Variants in MAGI3 observed in about 807,000 individuals in gnomAD.
MAGI3 encodes the protein membrane-associated guanylate kinase, WW and PDZ domain-containing protein 3.
MAGI3 carries 43 observed loss-of-function variants against 121.8 expected under a neutral mutation model. That is an observed-to-expected ratio of 0.35 (90% CI 0.28 to 0.46). MAGI3 has a LOEUF of 0.46. Ranked by LOEUF, MAGI3 falls within the 20% of genes least tolerant of loss-of-function variation. The pLI is 1.00. For missense variants in MAGI3, 1,547 were observed against 1,797.3 expected (o/e 0.86, Z 2.52); for synonymous variants, 553 against 639.3 (o/e 0.86, Z 2.04).
chr1:113,537,607 G>A (rs1177478482), intron 1 of MAGI3, among the ~76,000 whole-genome samples: 3 of 152,304 alleles, frequency 2.0e-5, no homozygotes, highest in South Asian at 2.1e-4. Context: ...TTTGCAAAAC[G>A]TGCTGTCCTT....
chr1:113,628,764 A>T (rs1373759832), intron 9 of MAGI3, among the ~76,000 whole-genome samples: 9 of 152,052 alleles, frequency 5.9e-5, no homozygotes. Context: ...TAAGGTTTCC[A>T]CTGGAAAGTC....
At chr1:113,442,047 A>G (rs1363682047) in intron 1 of MAGI3, among the ~76,000 whole-genome samples, 1 of 152,156 alleles carries the variant, frequency 6.6e-6, no homozygotes, top group Non-Finnish European at 1.5e-5. Context: ...GTGTTTTCTC[A>G]AGCAAATCAA....
At chr1:113,506,466 A>G (rs1054134874) in intron 1 of MAGI3, among the ~76,000 whole-genome samples, 1 of 151,148 alleles carries the variant, frequency 6.6e-6, no homozygotes, top group Non-Finnish European at 1.5e-5. Context: ...TCTACATTTC[A>G]TATTCTCTCA....
chr1:113,450,841 T>C (rs1654450930), intron 1 of MAGI3: 2 of 668,614 alleles, frequency 3.0e-6, no homozygotes, highest in Non-Finnish European at 2.7e-6. Context: ...AGAGGAACTG[T>C]AAAAATCTGC....
chr1:113,430,180 C>A (rs1247180959), intron 1 of MAGI3, among the ~76,000 whole-genome samples: 1 of 152,050 alleles, frequency 6.6e-6, no homozygotes, highest in African/African-American at 2.4e-5. Flanking sequence ...CTTATTTTAT[C>A]AGAGTGGAGT....
chr1:113,416,403 TA>T (rs1652415660), intron 1 of MAGI3, among the ~76,000 whole-genome samples: 1 of 26,042 alleles, frequency 3.8e-5, no homozygotes, highest in Non-Finnish European at 8.9e-5. Context: ...AATTATTAAT[TA>T]ATTAATAATT....
intron 1 of MAGI3, among the ~76,000 whole-genome samples, chr1:113,531,704 G>C (rs1658729949): frequency 1.1e-5 from 1 of 92,738 alleles, no homozygotes; most frequent in Non-Finnish European, 2.1e-5. Flanking sequence ...AACATAAGTG[G>C]TATTGCGGGG....
intron 5 of MAGI3, among the ~76,000 whole-genome samples, chr1:113,591,940 A>G (rs564366538): frequency 1.6e-4 from 25 of 152,156 alleles, no homozygotes; most frequent in Non-Finnish European, 3.2e-4. Flanking sequence ...ATGTAAATGG[A>G]TGAAAGATCT....
rs766037852 is a variant in MAGI3 at position 113,683,644 on chromosome 1, AAAG to A, written c.4079_4081del (p.Arg1360del). On this transcript the variant is annotated inframe_deletion, in exon 21 of 21. Coordinates refer to ENST00000307546, the MANE Select transcript of MAGI3 (RefSeq NM_001142782.2). The stretch of plus-strand genomic sequence containing the variant: ...ACAAGGTCTCCAGAGAAAAAAATCA[AAAG>A]AATGGTTGAGAAATCTCTTCCATCC... 10 of 1,612,376 alleles carry A rather than the reference AAAG, an allele frequency of 6.2e-6. No individual in the cohort carries two copies. The Admixed American group carries it at 1.3e-4, about 22-fold the overall frequency.
chr1:113,395,103 T>G (rs1651032983), intron 1 of MAGI3, among the ~76,000 whole-genome samples: 1 of 145,048 alleles, frequency 6.9e-6, no homozygotes. Context: ...TTTTTTTTTT[T>G]TTTTTTTTTT....
chr1:113,441,197 G>T (rs1337900210), intron 1 of MAGI3, among the ~76,000 whole-genome samples: 1 of 152,066 alleles, frequency 6.6e-6, no homozygotes, highest in African/African-American at 2.4e-5. Flanking sequence ...CTCATGTTGG[G>T]ATTTCCCCTT....
intron 1 of MAGI3, among the ~76,000 whole-genome samples, chr1:113,428,084 C>T (rs1653104537): frequency 6.6e-6 from 1 of 152,128 alleles, no homozygotes; most frequent in Admixed American, 6.6e-5. Flanking sequence ...CTTTTTTCCT[C>T]ACTCTGGCTT....
chr1:113,561,850 T>A (rs1660249927), intron 2 of MAGI3, among the ~76,000 whole-genome samples: 1 of 152,240 alleles, frequency 6.6e-6, no homozygotes, highest in African/African-American at 2.4e-5. Flanking sequence ...CATGATCTCC[T>A]ATATCTAGAA....
In MAGI3 at chr1:113,638,108, G is replaced by A. The variant is rs1265724261; in HGVS notation, c.1361-3803G>A. On this transcript the variant is annotated intron_variant, in intron 9 of 20. Coordinates refer to ENST00000307546, the MANE Select transcript of MAGI3 (RefSeq NM_001142782.2). ...GCTCCTTTAAGCACTTCTCTGTATT[G>A]GTTATTCTAGTTATACATTCGTCTA... 8.5e-5 allele frequency among the ~76,000 whole-genome samples: 13 copies of A among 152,070 alleles called. No homozygotes were observed. The East Asian group carries it at 2.1e-3, about 25-fold the overall frequency.
At chr1:113,418,198 G>A (rs187944187) in intron 1 of MAGI3, among the ~76,000 whole-genome samples, 112 of 152,202 alleles carry the variant, frequency 7.4e-4, no homozygotes, top group African/African-American at 2.6e-3. Flanking sequence ...TATGTGTCTA[G>A]CATTCAAGAC....
chr1:113,656,765 TC>T (rs1397728274), intron 15 of MAGI3, among the ~76,000 whole-genome samples: 1 of 152,098 alleles, frequency 6.6e-6, no homozygotes, highest in Non-Finnish European at 1.5e-5. Context: ...ATGACGTATG[TC>T]TCAAGAAGAG....
intron 5 of MAGI3, among the ~76,000 whole-genome samples, chr1:113,593,900 A>G (rs78064317): frequency 1.8e-4 from 28 of 152,286 alleles, no homozygotes; most frequent in African/African-American, 6.0e-4. Context: ...GAGTTTAACT[A>G]TACCTGTTGT....
chr1:113,631,055 G>T (rs1236550614), intron 9 of MAGI3, among the ~76,000 whole-genome samples: 2 of 152,096 alleles, frequency 1.3e-5, no homozygotes, highest in African/African-American at 4.8e-5. Context: ...CCCTTTGTTG[G>T]CATATGTCAG....
At chr1:113,600,511 AC>A (rs1385600086) in intron 6 of MAGI3, among the ~76,000 whole-genome samples, 1 of 152,188 alleles carries the variant, frequency 6.6e-6, no homozygotes, top group African/African-American at 2.4e-5. Flanking sequence ...AATCCAACTT[AC>A]AAGGGACATG....
Sources: allele counts gnomAD v4.1 joint callset (sites outside exome capture counted in the v4.1 genomes callset), GRCh38; gene constraint gnomAD v4.1.1; transcripts MANE v1.5; gene names NCBI Gene and HGNC (gene_info 2026-07-23, HGNC 2026-07-21).